Variants in SIPA1L1 observed in about 807,000 individuals in gnomAD.
The protein encoded by SIPA1L1 is signal induced proliferation associated 1 like 1.
A neutral mutation model predicts 162.7 loss-of-function variants in SIPA1L1; 26 were observed. The observed-to-expected ratio is 0.16, with a 90% CI of 0.12 to 0.22. The LOEUF is 0.22. Among genes scored for constraint, SIPA1L1 ranks in the 10% least tolerant of loss-of-function variants. SIPA1L1 has a pLI of 1.00. For synonymous variants in SIPA1L1, 829 were observed against 837.4 expected (o/e 0.99, Z 0.17); for missense variants, 1,874 against 2,241.0 (o/e 0.84, Z 3.31).
chr14:71,410,373 T>G (rs2042317931), intron 2 of SIPA1L1, among the ~76,000 whole-genome samples: 1 of 152,146 alleles, frequency 6.6e-6, no homozygotes, highest in South Asian at 2.1e-4. Context: ...GAGGGGCATT[T>G]GGTAGAGTGG....
chr14:71,526,256 C>G (rs990834557), intron 3 of SIPA1L1, among the ~76,000 whole-genome samples: 7 of 152,024 alleles, frequency 4.6e-5, no homozygotes, highest in African/African-American at 1.7e-4. Flanking sequence ...TGAATTTTTC[C>G]AAATTGAACA....
intron 2 of SIPA1L1, among the ~76,000 whole-genome samples, chr14:71,440,996 C>G (rs2044806822): frequency 6.6e-6 from 1 of 152,198 alleles, no homozygotes; most frequent in East Asian, 1.9e-4. Context: ...TAAAAGATAT[C>G]ACTAAGGAAA....
chr14:71,505,375 C>A (rs2050572779), intron 2 of SIPA1L1, among the ~76,000 whole-genome samples: 1 of 150,964 alleles, frequency 6.6e-6, no homozygotes, highest in Non-Finnish European at 1.5e-5. Context: ...TGAAAACTTA[C>A]CGTTACTGCT....
At chr14:71,661,504 T>C (rs762148528) in intron 10 of SIPA1L1, 37 bp downstream of exon 10, 2 of 1,596,242 alleles carry the variant, frequency 1.3e-6, no homozygotes, top group East Asian at 2.2e-5. Flanking sequence ...TCTGTGGATG[T>C]TGGCTGGTTA....
chr14:71,389,445 T>G (rs2040583547), intron 2 of SIPA1L1, among the ~76,000 whole-genome samples: 1 of 152,210 alleles, frequency 6.6e-6, no homozygotes, highest in African/African-American at 2.4e-5. Flanking sequence ...TCAGAAAATC[T>G]TTTACTTATA....
chr14:71,438,171 C>T (rs532827227), intron 2 of SIPA1L1, among the ~76,000 whole-genome samples: 1 of 152,124 alleles, frequency 6.6e-6, no homozygotes, highest in South Asian at 2.1e-4. Flanking sequence ...AAACAAAACT[C>T]GTCACCATAG....
intron 4 of SIPA1L1, among the ~76,000 whole-genome samples, chr14:71,540,888 A>T: frequency 6.6e-6 from 1 of 152,172 alleles, no homozygotes; most frequent in South Asian, 2.1e-4. Context: ...GCACTTTGGG[A>T]GGTCCAAGTA....
At chr14:71,633,330 C>T (rs1486204085) in intron 7 of SIPA1L1, among the ~76,000 whole-genome samples, 2 of 151,856 alleles carry the variant, frequency 1.3e-5, no homozygotes, top group East Asian at 1.9e-4. Flanking sequence ...TTATTAGAGA[C>T]GCCCAGCTAA....
intron 9 of SIPA1L1, 110 bp from the exon 10 acceptor site, chr14:71,661,200 A>C: frequency 9.1e-7 from 1 of 1,104,044 alleles, no homozygotes; most frequent in South Asian, 1.5e-5. Flanking sequence ...ACCTACCTTC[A>C]TGTGTACTGA....
chr14:71,719,025 A>G (rs998517378), intron 17 of SIPA1L1, among the ~76,000 whole-genome samples: 1 of 151,934 alleles, frequency 6.6e-6, no homozygotes, highest in Non-Finnish European at 1.5e-5. Context: ...TGCAGCCTCA[A>G]CTTCCTGAGC....
chr14:71,331,277 A>G (rs1381460755), intron 2 of SIPA1L1, among the ~76,000 whole-genome samples: 1 of 152,222 alleles, frequency 6.6e-6, no homozygotes, highest in Non-Finnish European at 1.5e-5. Context: ...TTATGCCATT[A>G]TCACACTGTT....
chr14:71,652,637 TC>T (rs397971394), intron 8 of SIPA1L1, among the ~76,000 whole-genome samples: 1 of 151,634 alleles, frequency 6.6e-6, no homozygotes, highest in Non-Finnish European at 1.5e-5. Context: ...CTTTTTTTTT[TC>T]CCCCTAACCT....
chr14:71,469,585 T>C (rs987673430), intron 2 of SIPA1L1, among the ~76,000 whole-genome samples: 1 of 152,176 alleles, frequency 6.6e-6, no homozygotes, highest in African/African-American at 2.4e-5. Flanking sequence ...AGATATCTAA[T>C]GTGCATGCTG....
At chr14:71,417,116 C>A (rs2042826813) in intron 2 of SIPA1L1, among the ~76,000 whole-genome samples, 1 of 151,868 alleles carries the variant, frequency 6.6e-6, no homozygotes, top group Non-Finnish European at 1.5e-5. Flanking sequence ...AGAAGCCTTA[C>A]CAATAACATG....
chr14:71,688,573 T>G (rs977484810), intron 13 of SIPA1L1, among the ~76,000 whole-genome samples: 9 of 152,186 alleles, frequency 5.9e-5, no homozygotes, highest in African/African-American at 2.2e-4. Flanking sequence ...ACTGAAAACT[T>G]AAAGCATCCC....
chr14:71,500,517 G>A (rs1355065873), intron 2 of SIPA1L1, among the ~76,000 whole-genome samples: 2 of 151,788 alleles, frequency 1.3e-5, no homozygotes, highest in East Asian at 3.9e-4. Context: ...CTCTGCTCGT[G>A]GAAGTATAAA....
intron 23 of SIPA1L1, among the ~76,000 whole-genome samples, chr14:71,738,759 G>A (rs1394866292): frequency 2.6e-5 from 4 of 152,118 alleles, no homozygotes; most frequent in Admixed American, 2.0e-4. Context: ...GACTAACAAG[G>A]ATGTTAAAAT....
At chr14:71,613,097 A>G (rs887674747) in intron 5 of SIPA1L1, among the ~76,000 whole-genome samples, 4 of 152,226 alleles carry the variant, frequency 2.6e-5, no homozygotes. Flanking sequence ...CAGCACATCA[A>G]GAAATAAAGC....
At position 71,377,439 on chromosome 14, in the gene SIPA1L1, G is replaced by T. The variant is rs996511523; in HGVS notation, c.-465+56258G>T. Among the ~76,000 whole-genome samples, 6 of 151,312 alleles carry T rather than the reference G, an allele frequency of 4.0e-5. 1 individual carries two copies. The highest frequency in any genetic ancestry group is 8.8e-5 in the Non-Finnish European group (6 of 67,814). On this transcript the variant is annotated intron_variant, in intron 2 of 23. Transcript: ENST00000381232. The surrounding 1 kb of genome is among the most constrained non-coding windows in gnomAD (Gnocchi z 4.8). Reference sequence around the variant, plus strand: ...GACAGGGTGGCAGCCGGGTAGAGATGCTCCTCACTTCCCAGACTGGGCGGC... The same window carrying T: ...GACAGGGTGGCAGCCGGGTAGAGATTCTCCTCACTTCCCAGACTGGGCGGC...
Sources: allele counts gnomAD v4.1 joint callset (sites outside exome capture counted in the v4.1 genomes callset), GRCh38; gene constraint gnomAD v4.1.1; non-coding constraint Gnocchi (gnomAD v3.1); transcripts MANE v1.5; gene names NCBI Gene and HGNC (gene_info 2026-07-23, HGNC 2026-07-21).